FBXL14: variants seen among roughly 807,000 people sequenced by gnomAD.
The protein encoded by FBXL14 is F-box and leucine rich repeat protein 14.
In FBXL14, 11 loss-of-function variants were observed where a neutral mutation model predicts 24.5. The ratio of observed to expected loss-of-function variants is 0.45; its 90% confidence interval spans 0.28 to 0.74. FBXL14 has a LOEUF of 0.74. FBXL14 is among the 30% of genes least tolerant of loss of function. The pLI is 0.12. For missense variants in FBXL14, 384 were observed against 545.6 expected, an observed-to-expected ratio of 0.70 and a Z score of 2.95; for synonymous variants, 294 against 240.4, an observed-to-expected ratio of 1.22 and a Z score of -2.06.
intron 1 of FBXL14, among the ~76,000 whole-genome samples, chr12:1,590,855 G>A (rs1051961724): frequency 4.6e-5 from 7 of 152,076 alleles, no homozygotes; most frequent in Admixed American, 3.3e-4. Flanking sequence ...CGGCAAGCAC[G>A]CAAGGACAGC....
rs2094438798 is a variant in FBXL14 at position 1,567,871 on chromosome 12, C to T, written c.1195-1061G>A. 6.6e-6 allele frequency among the ~76,000 whole-genome samples: 1 copy of T among 152,176 alleles called. No homozygotes were observed. The highest frequency in any genetic ancestry group is 2.4e-5 in the African/African-American group (1 of 41,446). On this transcript the variant is annotated intron_variant, in intron 1 of 1. Coordinates refer to ENST00000339235, the MANE Select transcript of FBXL14 (RefSeq NM_152441.3). This position sits in a 1 kb window ranked among gnomAD's most constrained non-coding sequence, Gnocchi z 4.8. ...CACATGTGAAAAGGGAAAAGAAAAC[C>T]CACCCACACGCACACGCGCGCACAC...
At chr12:1,570,817 C>T (rs1274067858) in intron 1 of FBXL14, among the ~76,000 whole-genome samples, 2 of 151,998 alleles carry the variant, frequency 1.3e-5, no homozygotes, top group Non-Finnish European at 2.9e-5. Context: ...TTCTCCTCGG[C>T]CTCTCTTGAT....
intron 1 of FBXL14, among the ~76,000 whole-genome samples, chr12:1,584,968 C>G (rs1193878724): frequency 6.6e-6 from 1 of 152,152 alleles, no homozygotes; most frequent in Non-Finnish European, 1.5e-5. Context: ...ACAATTTCTC[C>G]CTTACTTTAC....
At chr12:1,591,451 T>TG (rs1455534959) in intron 1 of FBXL14, among the ~76,000 whole-genome samples, 2 of 152,104 alleles carry the variant, frequency 1.3e-5, no homozygotes, top group Non-Finnish European at 2.9e-5. Flanking sequence ...AAGAGGATCT[T>TG]TGTTATTATT....
At position 1,593,940 on chromosome 12, in the gene FBXL14, A is replaced by C; in HGVS notation, c.127T>G (p.Ser43Ala). Residue 43 changes from serine to alanine, a missense_variant, in exon 1 of 2, where the codon TCG becomes GCG. By Grantham distance (99) the Ser-to-Ala change is moderately conservative. Transcript: ENST00000339235. This position sits in a 1 kb window ranked among gnomAD's most constrained non-coding sequence, Gnocchi z 7.4. ...TAWRDAAYHK[S>A]VWRGVEAKLH... ...TTGGCCTCCACCCCCCGCCACACCG[A>C]CTTGTGGTAGGCGGCGTCCCGCCAG... The C allele has an allele frequency of 6.3e-7, 1 of 1,593,344 alleles. No homozygotes were observed. Among genetic ancestry groups the C allele is most frequent in the Non-Finnish European group, 8.5e-7 (1 of 1,176,752 alleles).
chr12:1,587,179 G>A (rs2094478413), intron 1 of FBXL14, among the ~76,000 whole-genome samples: 1 of 148,542 alleles, frequency 6.7e-6, no homozygotes, highest in South Asian at 2.1e-4. Flanking sequence ...GGAGGTTGCA[G>A]GGAGCCAAGA....
At chr12:1,584,859 CAATG>C (rs1414334950) in intron 1 of FBXL14, among the ~76,000 whole-genome samples, 1 of 152,146 alleles carries the variant, frequency 6.6e-6, no homozygotes, top group Non-Finnish European at 1.5e-5. Context: ...GAGTTTTGGG[CAATG>C]AAGTTAAGGT....
chr12:1,584,708 T>C (rs1232525850), intron 1 of FBXL14, among the ~76,000 whole-genome samples: 1 of 152,234 alleles, frequency 6.6e-6, no homozygotes, highest in Non-Finnish European at 1.5e-5. Flanking sequence ...CTTTTACAGA[T>C]TCCTGAAAAC....
rs2094437873 is a variant in FBXL14, at chr12:1,567,257, G to A, written c.1195-447C>T. 6.6e-6 allele frequency among the ~76,000 whole-genome samples: 1 copy of A among 152,074 alleles called. No homozygotes were observed. The highest frequency in any genetic ancestry group is 2.1e-4 in the South Asian group (1 of 4,832). On this transcript the variant is annotated intron_variant, in intron 1 of 1. Transcript: ENST00000339235. The surrounding 1 kb of genome is among the most constrained non-coding windows in gnomAD (Gnocchi z 4.8). ...GCGGGCGGATCACCTGAGGTCAGGA[G>A]TTCGAGACCAGCCTGGCCAATATGG...
intron 1 of FBXL14, among the ~76,000 whole-genome samples, chr12:1,585,317 G>C (rs1442761953): frequency 6.6e-6 from 1 of 151,766 alleles, no homozygotes; most frequent in African/African-American, 2.4e-5. Flanking sequence ...AGAATGGCGT[G>C]AACCCGGGAG....
chr12:1,589,271 C>T (rs113151051), intron 1 of FBXL14, among the ~76,000 whole-genome samples: 9 of 148,488 alleles, frequency 6.1e-5, no homozygotes, highest in South Asian at 2.1e-4. Flanking sequence ...TGGTGGTGTG[C>T]GCCTGTAGTC....
In FBXL14 at chr12:1,593,407, T is replaced by C. The variant is rs780516560; in HGVS notation, c.660A>G (p.Leu220=). 1.9e-6 allele frequency: 3 copies of C among 1,613,938 alleles called. No homozygotes were observed. The highest frequency in any genetic ancestry group is 4.5e-5 in the East Asian group (2 of 44,846). Residue 220 remains leucine (L), a synonymous_variant, in exon 1 of 2, where the codon CTA becomes CTG. Coordinates refer to ENST00000339235, the MANE Select transcript of FBXL14 (RefSeq NM_152441.3). This position sits in a 1 kb window ranked among gnomAD's most constrained non-coding sequence, Gnocchi z 7.4. ...CCGTCAGCCCTCGGGAGATGTGCTT[T>C]AGAGAAAGATCTGTGAGCTTCTGGC... ...QDCQKLTDLS[L]KHISRGLTGL... is the part of the protein sequence containing the mutation.
intron 1 of FBXL14, among the ~76,000 whole-genome samples, chr12:1,578,240 T>C (rs2094459657): frequency 2.6e-5 from 4 of 152,210 alleles, no homozygotes; most frequent in Non-Finnish European, 4.4e-5. Flanking sequence ...AGTACTAACA[T>C]TTTCAATGGC....
In FBXL14 at chr12:1,593,113, A is replaced by G; in HGVS notation, c.954T>C (p.Ser318=). ...KSLSLCSCHI[S]DDGINRMVRQ... is the part of the protein sequence containing the mutation. ...GCACCATGCGGTTGATGCCATCATC[A>G]CTGATGTGGCAGGAGCAGAGGGAGA... is the stretch of plus-strand genomic sequence containing the variant. The change falls in exon 1 of 2, where the codon AGT becomes AGC. Residue 318 remains serine (S), a synonymous_variant. Transcript: ENST00000339235. The surrounding 1 kb of genome is among the most constrained non-coding windows in gnomAD (Gnocchi z 7.4). 10 of 1,613,584 alleles carry G rather than the reference A, an allele frequency of 6.2e-6. No individual in the cohort carries two copies. The highest frequency in any genetic ancestry group is 8.5e-6 in the Non-Finnish European group (10 of 1,180,008).
upstream of FBXL14, among the ~76,000 whole-genome samples, chr12:1,594,823 A>G (rs546414735): frequency 1.2e-3 from 189 of 151,412 alleles, no homozygotes; most frequent in African/African-American, 4.3e-3. Flanking sequence ...GCCGCCCTGC[A>G]GCGCGTCCCC....
chr12:1,570,418 G>A (rs989292487), intron 1 of FBXL14, among the ~76,000 whole-genome samples: 1 of 152,202 alleles, frequency 6.6e-6, no homozygotes, highest in African/African-American at 2.4e-5. Context: ...CTACCGGGGT[G>A]GGCAAGAGGG....
At position 1,593,794 on chromosome 12, in the gene FBXL14, G is replaced by A. The variant is rs765150128; in HGVS notation, c.273C>T (p.Asn91=). ...AGCCGCTGAGGTTGAGGCTCTCGATGTTGGCCATGCCCTGGATCACGTAGC... is the reference window on the plus strand; with the variant it reads ...AGCCGCTGAGGTTGAGGCTCTCGATATTGGCCATGCCCTGGATCACGTAGC... ...SLSYVIQGMA[N]IESLNLSGCY... The change falls in exon 1 of 2, where the codon AAC becomes AAT. Residue 91 remains asparagine (N), a synonymous_variant. Transcript: ENST00000339235. The surrounding 1 kb of genome is among the most constrained non-coding windows in gnomAD (Gnocchi z 7.4). The A allele has an allele frequency of 6.2e-7, 1 of 1,614,194 alleles. No individual in the cohort carries two copies. Among genetic ancestry groups the A allele is most frequent in the Non-Finnish European group, 8.5e-7 (1 of 1,180,028 alleles).
chr12:1,582,418 G>T (rs927864999), intron 1 of FBXL14, among the ~76,000 whole-genome samples: 1 of 151,940 alleles, frequency 6.6e-6, no homozygotes, highest in African/African-American at 2.4e-5. Context: ...AGCCAGCCCC[G>T]TTTTCTTCTT....
Position 1,593,567 on chromosome 12 carries a change from C to T in FBXL14, c.500G>A (p.Gly167Asp), listed in dbSNP as rs2094495282. 1 of 1,614,038 alleles carries T rather than the reference C, an allele frequency of 6.2e-7. No individual in the cohort carries two copies. The highest frequency in any genetic ancestry group is 1.3e-5 in the African/African-American group (1 of 74,934). ...GTTAAGGCTCTTGAGGCGCTGCAGA[C>T]CCCAGGCGATGAGCAGAAGGCCAGT... ...TNTGLLLIAW[G>D]LQRLKSLNLR... is the part of the protein sequence containing the mutation. The change falls in exon 1 of 2, where the codon GGT becomes GAT. Residue 167 changes from glycine (G) to aspartate (D), a missense_variant. Coordinates refer to ENST00000339235, the MANE Select transcript of FBXL14 (RefSeq NM_152441.3). The surrounding 1 kb of genome is among the most constrained non-coding windows in gnomAD (Gnocchi z 7.4).
Sources: allele counts gnomAD v4.1 joint callset (sites outside exome capture counted in the v4.1 genomes callset), GRCh38; gene constraint gnomAD v4.1.1; non-coding constraint Gnocchi (gnomAD v3.1); transcripts MANE v1.5; gene names NCBI Gene and HGNC (gene_info 2026-07-23, HGNC 2026-07-21).